Variants in CNTN3 observed in about 807,000 individuals in gnomAD.
CNTN3 encodes the protein contactin-3.
In CNTN3, 60 loss-of-function variants were observed where a neutral mutation model predicts 119.1. The ratio of observed to expected loss-of-function variants is 0.50; its 90% CI spans 0.41 to 0.62. The LOEUF is 0.62. CNTN3 is among the 20% of genes least tolerant of loss of function. CNTN3 has a pLI of 0.00. For synonymous variants in CNTN3, 450 were observed against 438.7 expected, an observed-to-expected ratio of 1.03 and a Z score of -0.32; for missense variants, 1,101 against 1,242.4, an observed-to-expected ratio of 0.89 and a Z score of 1.71.
At chr3:74,285,004 T>C (rs1451727048) in intron 20 of CNTN3, among the ~76,000 whole-genome samples, 1 of 152,142 alleles carries the variant, frequency 6.6e-6, no homozygotes, top group Non-Finnish European at 1.5e-5. Flanking sequence ...TAAAAATACA[T>C]GAAAGTAAAC....
intron 11 of CNTN3, among the ~76,000 whole-genome samples, chr3:74,341,463 G>A (rs946191736): frequency 2.0e-5 from 3 of 152,156 alleles, no homozygotes; most frequent in Non-Finnish European, 4.4e-5. Context: ...AACATTCAGT[G>A]CTCCAGTTTG....
chr3:74,488,025 G>C (rs1036504354), intron 3 of CNTN3, among the ~76,000 whole-genome samples: 2 of 148,554 alleles, frequency 1.3e-5, no homozygotes, highest in African/African-American at 4.9e-5. Flanking sequence ...TAATTATACT[G>C]TATAATTATA....
chr3:74,377,183 T>C (rs770335619), intron 5 of CNTN3, among the ~76,000 whole-genome samples: 2 of 152,064 alleles, frequency 1.3e-5, no homozygotes, highest in Admixed American at 6.6e-5. Flanking sequence ...ATGGAGAAAT[T>C]TGTAGCACCT....
At chr3:74,496,942 T>G (rs886882385) in intron 3 of CNTN3, among the ~76,000 whole-genome samples, 1 of 151,996 alleles carries the variant, frequency 6.6e-6, no homozygotes, top group South Asian at 2.1e-4. Context: ...TTCAGACAAG[T>G]TGGCATCAGT....
intron 17 of CNTN3, 109 bp downstream of exon 17, chr3:74,299,759 C>T: frequency 2.5e-6 from 2 of 800,588 alleles, no homozygotes. Flanking sequence ...CCAGCCACAC[C>T]CCCAGCACTA....
chr3:74,285,804 T>A, intron 19 of CNTN3, among the ~76,000 whole-genome samples: 1 of 91,828 alleles, frequency 1.1e-5, no homozygotes, highest in Admixed American at 9.7e-5. Flanking sequence ...TATATATATA[T>A]ATATATATAT....
intron 4 of CNTN3, among the ~76,000 whole-genome samples, chr3:74,464,901 G>T (rs557239100): frequency 1.6e-4 from 25 of 152,240 alleles, no homozygotes; most frequent in African/African-American, 5.8e-4. Context: ...TTCATTAATT[G>T]ATTTATATTA....
intron 1 of CNTN3, among the ~76,000 whole-genome samples, chr3:74,592,435 T>C (rs1442666898): frequency 6.6e-6 from 1 of 151,464 alleles, no homozygotes; most frequent in Non-Finnish European, 1.5e-5. Context: ...AAAATACGCT[T>C]ACTCTAAAAA....
intron 1 of CNTN3, among the ~76,000 whole-genome samples, chr3:74,549,007 G>T (rs1703951500): frequency 6.6e-6 from 1 of 152,012 alleles, no homozygotes; most frequent in Non-Finnish European, 1.5e-5. Context: ...ATATCACATT[G>T]GTCCATTATA....
At chr3:74,355,468 G>GTTTTC (rs1703913673) in intron 11 of CNTN3, among the ~76,000 whole-genome samples, 3 of 151,664 alleles carry the variant, frequency 2.0e-5, no homozygotes. Flanking sequence ...GTTTTGTTTT[G>GTTTTC]TTTTGAGACA....
chr3:74,518,161 C>T (rs1703481986), intron 2 of CNTN3, among the ~76,000 whole-genome samples: 1 of 151,904 alleles, frequency 6.6e-6, no homozygotes, highest in Middle Eastern at 3.2e-3. Flanking sequence ...TCCCCACATG[C>T]CTTCTTAGTC....
chr3:74,434,589 T>C (rs558858841), intron 4 of CNTN3, among the ~76,000 whole-genome samples: 4 of 152,328 alleles, frequency 2.6e-5, no homozygotes, highest in African/African-American at 7.2e-5. Context: ...CAAACCTAGG[T>C]GCAATCCCTT....
chr3:74,398,997 C>T (rs1031993812), intron 5 of CNTN3, among the ~76,000 whole-genome samples: 1 of 152,176 alleles, frequency 6.6e-6, no homozygotes, highest in Admixed American at 6.5e-5. Flanking sequence ...CCAACTCAAA[C>T]ATTTATCATT....
chr3:74,318,769 G>T (rs186557286), intron 13 of CNTN3, among the ~76,000 whole-genome samples: 2 of 152,124 alleles, frequency 1.3e-5, no homozygotes, highest in Non-Finnish European at 2.9e-5. Flanking sequence ...TGCCCCTACT[G>T]GGGGGTGCCT....
intron 5 of CNTN3, among the ~76,000 whole-genome samples, chr3:74,373,414 T>C (rs1704391652): frequency 6.6e-6 from 1 of 152,166 alleles, no homozygotes; most frequent in Non-Finnish European, 1.5e-5. Context: ...CTAACAAGGT[T>C]GTCCTTCTCC....
At chr3:74,329,598 C>T (rs574974276) in intron 13 of CNTN3, among the ~76,000 whole-genome samples, 12 of 152,290 alleles carry the variant, frequency 7.9e-5, no homozygotes, top group African/African-American at 2.4e-4. Context: ...AATTATCCCT[C>T]AACATTTGTA....
chr3:74,545,141 T>C (rs970462311), intron 1 of CNTN3, among the ~76,000 whole-genome samples: 2 of 152,158 alleles, frequency 1.3e-5, no homozygotes, highest in Admixed American at 6.5e-5. Flanking sequence ...GTAAAAGTAA[T>C]TGTAATAATA....
At chr3:74,486,655 C>T (rs1309631287) in intron 3 of CNTN3, 24 bp from the exon 4 acceptor site, 1 of 1,493,940 alleles carries the variant, frequency 6.7e-7, no homozygotes, top group Non-Finnish European at 8.9e-7. Flanking sequence ...ATCAAGGTTC[C>T]CCCCCCTTAG....
chr3:74,603,724 TTAAAATGTCCATA>T (rs1704948606), intron 1 of CNTN3, among the ~76,000 whole-genome samples: 1 of 152,072 alleles, frequency 6.6e-6, no homozygotes, highest in African/African-American at 2.4e-5. Context: ...AATAATATTA[TTAAAATGTCCATA>T]TCACCCAAAG....
Sources: allele counts gnomAD v4.1 joint callset (sites outside exome capture counted in the v4.1 genomes callset), GRCh38; gene constraint gnomAD v4.1.1; transcripts MANE v1.5; gene names NCBI Gene and HGNC (gene_info 2026-07-23, HGNC 2026-07-21).